FSD2: variants seen among roughly 807,000 people sequenced by gnomAD.
The protein encoded by FSD2 is fibronectin type III and SPRY domain containing 2, also known as fibronectin type III and SPRY domain-containing protein 2.
A neutral mutation model predicts 80.4 loss-of-function variants in FSD2; 71 were observed. The observed-to-expected ratio is 0.88, with a 90% CI of 0.73 to 1.08. The LOEUF is 1.08. Ranked by LOEUF, FSD2 falls within the 50% of genes least tolerant of loss-of-function variation. FSD2 has a pLI of 0.00. For synonymous variants in FSD2, 361 were observed against 329.5 expected, an observed-to-expected ratio of 1.10 and a Z score of -1.03; for missense variants, 923 against 913.8, an observed-to-expected ratio of 1.01 and a Z score of -0.13.
chr15:82,765,359 G>A (rs569603525), intron 10 of FSD2, 61 bp from the exon 11 acceptor site: 115 of 1,606,748 alleles, frequency 7.2e-5, no homozygotes, highest in East Asian at 1.6e-4. Flanking sequence ...CCATGTGGGC[G>A]GTGGTCACCG....
In FSD2 at chr15:82,765,923, G is replaced by T. The variant is rs755888355; in HGVS notation, c.1662C>A (p.Ser554Arg). ...ALNMGGPSVRSEPATVHTIGS... is the reference protein window; with the variant it reads ...ALNMGGPSVRREPATVHTIGS... The stretch of plus-strand genomic sequence containing the variant: ...CTATGGTGTGGACTGTAGCTGGCTC[G>T]CTCCTCACGCTGGGGCCCCCCATAT... Residue 554 changes from serine to arginine, a missense_variant, in exon 10 of 13, where the codon AGC (serine) becomes AGA (arginine). By Grantham distance (110) the Ser-to-Arg change is moderately radical. Coordinates refer to ENST00000334574, the MANE Select transcript of FSD2 (RefSeq NM_001007122.4). The T allele has an allele frequency of 1.2e-6, 2 of 1,609,884 alleles. No individual in the cohort carries two copies. Among genetic ancestry groups the T allele is most frequent in the Non-Finnish European group, 8.5e-7 (1 of 1,178,724 alleles).
intron 6 of FSD2, among the ~76,000 whole-genome samples, chr15:82,778,082 G>A (rs1333675340): frequency 1.5e-5 from 2 of 135,692 alleles, no homozygotes; most frequent in Non-Finnish European, 3.1e-5. Context: ...GCCAGCCTGG[G>A]CAACATAGCA....
chr15:82,798,884 T>G (rs903323183), intron 1 of FSD2, among the ~76,000 whole-genome samples: 19 of 149,174 alleles, frequency 1.3e-4, no homozygotes, highest in African/African-American at 4.7e-4. Flanking sequence ...TTTTGTTTTT[T>G]TTTTTTTTTT....
chr15:82,766,140 C>G (rs1317123101), intron 9 of FSD2, 109 bp from the exon 10 acceptor site: 3 of 1,226,566 alleles, frequency 2.4e-6, no homozygotes, highest in African/African-American at 1.5e-5. Context: ...GCGCTCCTGT[C>G]CTCTGACCCA....
rs781225191 is a variant in FSD2 at position 82,787,003 on chromosome 15, C to T, written c.388G>A (p.Glu130Lys). ...CCCCACCCTCCGAAGCCCAGGTCCT[C>T]GGCCTCCGCTGCCTCTCCACTAAGT... ...WRLSGEAAEA[E>K]DLGFGGWGSA... is the part of the protein sequence containing the mutation. Residue 130 changes from glutamate (E) to lysine (K), a missense_variant, in exon 2 of 13, where the codon GAG (glutamate) becomes AAG (lysine). Transcript: ENST00000334574. The T allele has an allele frequency of 3.7e-5, 59 of 1,613,908 alleles. No individual in the cohort carries two copies. The highest frequency in any genetic ancestry group is 8.9e-5 in the East Asian group (4 of 44,904).
intron 11 of FSD2, 24 bp downstream of exon 11, chr15:82,765,142 C>T: frequency 6.4e-7 from 1 of 1,572,990 alleles, no homozygotes; most frequent in Non-Finnish European, 8.6e-7. Context: ...CACAGAACGC[C>T]CTTGTGAGCG....
intron 6 of FSD2, among the ~76,000 whole-genome samples, chr15:82,777,054 G>A (rs1414019222): frequency 6.6e-6 from 1 of 152,114 alleles, no homozygotes; most frequent in African/African-American, 2.4e-5. Context: ...TCTTACACCA[G>A]AACAAAAGTA....
rs2049169231 is a variant in FSD2 at position 82,756,071 on chromosome 15, A to G, written c.*3277T>C. On this transcript the variant is annotated 3_prime_UTR_variant, in exon 13 of 13. Coordinates refer to ENST00000334574, the MANE Select transcript of FSD2 (RefSeq NM_001007122.4). ...CAAGACCTACTTATCTACCAACAGC[A>G]ATTACACGCTTTCCATTGTCTTCCT... The G allele has an allele frequency of 2.1e-6, 1 of 477,764 alleles. No homozygotes were observed. The highest frequency in any genetic ancestry group is 1.5e-5 in the South Asian group (1 of 64,618). The allele number at this position is 477,764 out of a possible 1,614,324, so 29.6% of individuals were successfully genotyped here.
chr15:82,763,420 C>T (rs1191115437), intron 11 of FSD2, among the ~76,000 whole-genome samples: 2 of 152,186 alleles, frequency 1.3e-5, no homozygotes, highest in Non-Finnish European at 2.9e-5. Flanking sequence ...TAAGTATTCT[C>T]ATCCGTCAAC....
rs1596230048 is a variant in FSD2 at position 82,765,792 on chromosome 15, A to G, written c.1687+106T>C. 1.1e-5 allele frequency: 16 copies of G among 1,391,450 alleles called. No individual in the cohort carries two copies. In the African/African-American group the frequency reaches 1.3e-4, roughly 11 times the overall value. The allele number at this position is 1,391,450 out of a possible 1,614,324, so 86.2% of individuals were successfully genotyped here. On this transcript the variant is annotated intron_variant, in intron 10 of 12. Coordinates refer to ENST00000334574, the MANE Select transcript of FSD2 (RefSeq NM_001007122.4). ...TTCTGGCCTGACTTGCCACGTGTCC[A>G]CATCTGTGCATATTCATCAATTTCC...
intron 2 of FSD2, 36 bp from the exon 3 acceptor site, chr15:82,786,642 T>G: frequency 1.2e-6 from 2 of 1,606,102 alleles, no homozygotes; most frequent in Non-Finnish European, 1.7e-6. Flanking sequence ...GGTATTAATG[T>G]TACATCTTCT....
At chr15:82,801,652 G>A (rs918599438) in intron 1 of FSD2, among the ~76,000 whole-genome samples, 1 of 152,102 alleles carries the variant, frequency 6.6e-6, no homozygotes, top group Non-Finnish European at 1.5e-5. Flanking sequence ...GTATGTTATT[G>A]GTTTCAGAGA....
chr15:82,770,067 A>G (rs904727569), intron 7 of FSD2, among the ~76,000 whole-genome samples, 183 bp from the exon 8 acceptor site: 3 of 152,102 alleles, frequency 2.0e-5, no homozygotes, highest in African/African-American at 7.2e-5. Context: ...CCTTCTCTCT[A>G]TTCCTTGAAA....
chr15:82,793,712 T>C (rs567989713), intron 1 of FSD2, among the ~76,000 whole-genome samples: 5 of 152,306 alleles, frequency 3.3e-5, no homozygotes, highest in African/African-American at 1.2e-4. Flanking sequence ...TCTTCTTGGG[T>C]CTGTTTTGGG....
chr15:82,761,994 A>T, intron 12 of FSD2, 108 bp downstream of exon 12: 1 of 1,045,120 alleles, frequency 9.6e-7, no homozygotes, highest in Non-Finnish European at 1.3e-6. Flanking sequence ...GAAATATCTT[A>T]AAATATTTGT....
intron 1 of FSD2, among the ~76,000 whole-genome samples, chr15:82,805,309 A>C (rs763464408): frequency 1.3e-5 from 2 of 152,178 alleles, no homozygotes; most frequent in African/African-American, 2.4e-5. Flanking sequence ...CTCTTCCCAG[A>C]AGTGATTCCA....
chr15:82,763,836 C>G (rs1044303879), intron 11 of FSD2, among the ~76,000 whole-genome samples: 1 of 152,184 alleles, frequency 6.6e-6, no homozygotes, highest in Non-Finnish European at 1.5e-5. Flanking sequence ...TGTGTGTATA[C>G]TGGACTTTCT....
At chr15:82,796,521 A>G (rs1358577034) in intron 1 of FSD2, among the ~76,000 whole-genome samples, 1 of 152,242 alleles carries the variant, frequency 6.6e-6, no homozygotes, top group Admixed American at 6.5e-5. Flanking sequence ...CTGAGCCACA[A>G]TCACCCAGAC....
chr15:82,788,504 C>CAAAAAA (rs11317915), intron 1 of FSD2, among the ~76,000 whole-genome samples: 10 of 66,218 alleles, frequency 1.5e-4, no homozygotes, highest in Non-Finnish European at 2.5e-4. Context: ...GACCCTGTCT[C>CAAAAAA]AAAAAAAAAA....
Sources: allele counts gnomAD v4.1 joint callset (sites outside exome capture counted in the v4.1 genomes callset), GRCh38; gene constraint gnomAD v4.1.1; transcripts MANE v1.5; gene names NCBI Gene and HGNC (gene_info 2026-07-23, HGNC 2026-07-21).